SHLD2: variants seen among roughly 807,000 people sequenced by gnomAD.
SHLD2 encodes the protein RINN1-REV7-interacting novel NHEJ regulator 2.
A neutral mutation model predicts 73.2 loss-of-function variants in SHLD2; 30 were observed. The observed-to-expected ratio is 0.41, with a 90% CI of 0.31 to 0.56. The LOEUF is 0.56. Among genes scored for constraint, SHLD2 ranks in the 20% least tolerant of loss-of-function variants. The pLI is 0.28. For synonymous variants in SHLD2, 285 were observed against 370.1 expected, an observed-to-expected ratio of 0.77 and a Z score of 2.64; for missense variants, 745 against 1,055.9, an observed-to-expected ratio of 0.71 and a Z score of 4.08.
chr10:87,094,847 G>C, upstream of SHLD2: 1 of 1,194,962 alleles, frequency 8.4e-7, no homozygotes, highest in Non-Finnish European at 1.2e-6. The surrounding 1 kb of genome is among the most constrained non-coding windows in gnomAD (Gnocchi z 6.6). Context: ...TAGGGAGGAA[G>C]GGTCCCGCGC....
intron 6 of SHLD2, among the ~76,000 whole-genome samples, chr10:87,175,598 C>A (rs1487859081): frequency 6.6e-6 from 1 of 151,752 alleles, no homozygotes; most frequent in African/African-American, 2.4e-5. Flanking sequence ...GCAGGAGAAT[C>A]ACTTGAACCT....
chr10:87,131,180 C>A (rs1447146534), intron 2 of SHLD2, among the ~76,000 whole-genome samples: 1 of 151,212 alleles, frequency 6.6e-6, no homozygotes, highest in Non-Finnish European at 1.5e-5. Flanking sequence ...GAACTTATTT[C>A]TAATTTTTTT....
intron 2 of SHLD2, among the ~76,000 whole-genome samples, chr10:87,126,412 C>T (rs1054070187): frequency 1.7e-4 from 26 of 152,032 alleles, no homozygotes; most frequent in African/African-American, 6.3e-4. Context: ...AGATTATTGT[C>T]TGAATATTGA....
chr10:87,157,795 C>G (rs1218831806), intron 3 of SHLD2, among the ~76,000 whole-genome samples: 6 of 152,076 alleles, frequency 3.9e-5, no homozygotes, highest in Non-Finnish European at 5.9e-5. Context: ...ACTATTAAGC[C>G]TTTTTTATAT....
At chr10:87,150,027 G>A (rs183090902) in intron 2 of SHLD2, among the ~76,000 whole-genome samples, 1,912 of 151,472 alleles carry the variant, frequency 0.013, 29 homozygotes, top group Middle Eastern at 0.07. Context: ...TGGGATTACC[G>A]GTGTGAGCCA....
chr10:87,164,461 C>T (rs1847058988), intron 4 of SHLD2, among the ~76,000 whole-genome samples: 1 of 151,982 alleles, frequency 6.6e-6, no homozygotes, highest in Non-Finnish European at 1.5e-5. Flanking sequence ...CCATGTTGCT[C>T]TGGCTGGTCT....
intron 2 of SHLD2, among the ~76,000 whole-genome samples, chr10:87,126,621 A>G (rs1198823554): frequency 1.3e-5 from 2 of 152,158 alleles, no homozygotes; most frequent in Non-Finnish European, 2.9e-5. Flanking sequence ...CAAGTTTTAT[A>G]TTATTAAAAC....
At chr10:87,096,710 C>T (rs910028496) in intron 1 of SHLD2, among the ~76,000 whole-genome samples, 1 of 152,188 alleles carries the variant, frequency 6.6e-6, no homozygotes, top group Non-Finnish European at 1.5e-5. Context: ...GATGGTGCTT[C>T]CCGATATGTT....
chr10:87,108,034 T>C (rs903847472), intron 2 of SHLD2, among the ~76,000 whole-genome samples: 47 of 151,980 alleles, frequency 3.1e-4, no homozygotes, highest in African/African-American at 1.1e-3. Context: ...CAGGTACACA[T>C]CATCACACCT....
At chr10:87,175,636 AT>A (rs1292457543) in intron 6 of SHLD2, among the ~76,000 whole-genome samples, 1 of 152,076 alleles carries the variant, frequency 6.6e-6, no homozygotes, top group Non-Finnish European at 1.5e-5. Flanking sequence ...GTGAGCCGAG[AT>A]CACATCACTG....
chr10:87,156,500 G>A (rs1235094728), intron 3 of SHLD2, among the ~76,000 whole-genome samples: 1 of 152,154 alleles, frequency 6.6e-6, no homozygotes, highest in Admixed American at 6.5e-5. Context: ...GGAGACTACT[G>A]ACTAGAATTA....
chr10:87,100,479 GTTT>G (rs140323729), intron 2 of SHLD2, among the ~76,000 whole-genome samples: 1 of 138,754 alleles, frequency 7.2e-6, no homozygotes. Context: ...GATTACGCCA[GTTT>G]TTTTTTTTTT....
chr10:87,134,979 C>A (rs185491800), intron 2 of SHLD2, among the ~76,000 whole-genome samples: 56 of 152,154 alleles, frequency 3.7e-4, no homozygotes, highest in African/African-American at 1.2e-3. Context: ...AAACTCTGAC[C>A]GTCGTGCTTA....
At chr10:87,143,072 G>A (rs1302713483) in intron 2 of SHLD2, among the ~76,000 whole-genome samples, 1 of 151,424 alleles carries the variant, frequency 6.6e-6, no homozygotes, top group African/African-American at 2.4e-5. Context: ...TGGGACTACA[G>A]GCACATACCA....
At chr10:87,097,504 G>A (rs1350061678) in intron 2 of SHLD2, among the ~76,000 whole-genome samples, 1 of 152,118 alleles carries the variant, frequency 6.6e-6, no homozygotes, top group Non-Finnish European at 1.5e-5. Flanking sequence ...CTACTTGGGA[G>A]AACCACTTGA....
At chr10:87,157,792 A>G (rs538082183) in intron 3 of SHLD2, among the ~76,000 whole-genome samples, 29 of 152,348 alleles carry the variant, frequency 1.9e-4, no homozygotes, top group Middle Eastern at 3.4e-3. Context: ...AAAACTATTA[A>G]GCCTTTTTTA....
chr10:87,113,155 T>C (rs1353245121), intron 2 of SHLD2, among the ~76,000 whole-genome samples: 2 of 152,006 alleles, frequency 1.3e-5, no homozygotes, highest in Non-Finnish European at 2.9e-5. Flanking sequence ...AGAAACCCCA[T>C]CTCTACTAAA....
At chr10:87,189,300 C>G (rs1848865655) in intron 9 of SHLD2, among the ~76,000 whole-genome samples, 1 of 152,220 alleles carries the variant, frequency 6.6e-6, no homozygotes, top group African/African-American at 2.4e-5. Context: ...CGTGTCCGGC[C>G]TATCTCTTCT....
rs545504072 is a variant in SHLD2 at position 87,190,516 on chromosome 10, G to A, written c.2548G>A (p.Val850Met). The stretch of plus-strand genomic sequence containing the variant: ...CTCAGAGATCACCTATGGGATGGTC[G>A]TGGCAGACCTGTTCCACTCCTTGTT... The part of the protein sequence containing the change: ...PSSEITYGMV[V>M]ADLFHSLLAV... The change falls in exon 10 of 10, where the codon GTG (valine) becomes ATG (methionine). Residue 850 changes from valine to methionine, a missense_variant. Coordinates refer to ENST00000298786, the MANE Select transcript of SHLD2 (RefSeq NM_001330112.2). 12 of 1,611,960 alleles carry A rather than the reference G, an allele frequency of 7.4e-6. No individual in the cohort carries two copies. Among genetic ancestry groups the A allele is most frequent in the Admixed American group, 3.3e-5 (2 of 60,008 alleles).
Sources: gnomAD v4.1 joint callset for allele counts (sites outside exome capture counted in the v4.1 genomes callset) on GRCh38, gnomAD v4.1.1 for gene constraint, Gnocchi (gnomAD v3.1) non-coding constraint, MANE v1.5 for transcripts, NCBI Gene and HGNC (gene_info 2026-07-23, HGNC 2026-07-21) for gene names.